Variants in KIF26B observed in about 807,000 individuals in gnomAD.
KIF26B encodes kinesin family member 26B, also known as kinesin-like protein KIF26B.
In KIF26B, 63 loss-of-function variants were observed where a neutral mutation model predicts 151.2. That is an observed-to-expected ratio of 0.42 (90% confidence interval 0.34 to 0.51). The LOEUF (loss-of-function observed/expected upper bound fraction) is 0.51, where lower values mean the gene tolerates loss of function less well. Among genes scored for constraint, KIF26B ranks in the 20% least tolerant of loss-of-function variants. The probability of loss-of-function intolerance (pLI) is 0.07; values close to 1 mark genes in which losing one functional copy is unlikely to be tolerated. For synonymous variants in KIF26B, 1,357 were observed against 1,262.1 expected (o/e 1.08, Z -1.59); for missense variants, 2,813 against 2,913.6 (o/e 0.97, Z 0.79).
chr1:245,588,757 C>A (rs766079173), intron 5 of KIF26B, among the ~76,000 whole-genome samples: 1 of 152,210 alleles, frequency 6.6e-6, no homozygotes, highest in South Asian at 2.1e-4. Context: ...CTGCCCCTCG[C>A]TGGCTCAGGG....
At chr1:245,460,372 G>A (rs1053153264) in intron 4 of KIF26B, among the ~76,000 whole-genome samples, 1 of 152,068 alleles carries the variant, frequency 6.6e-6, no homozygotes, top group African/African-American at 2.4e-5. Context: ...GCAAAATGTG[G>A]TCCAAGGGTC....
At chr1:245,232,672 T>C (rs1670022889) in intron 2 of KIF26B, among the ~76,000 whole-genome samples, 1 of 151,602 alleles carries the variant, frequency 6.6e-6, no homozygotes, top group African/African-American at 2.4e-5. Flanking sequence ...TGTCTTAGCC[T>C]CCCGAGTAGC....
In KIF26B at chr1:245,560,182, C is replaced by T. The variant is rs2042930636; in HGVS notation, c.1350+19232C>T. Among the ~76,000 whole-genome samples, 1 of 152,156 alleles carries T rather than the reference C, an allele frequency of 6.6e-6. No individual in the cohort carries two copies. On this transcript the variant is annotated intron_variant, in intron 5 of 14. Transcript: ENST00000407071. The surrounding 1 kb of genome is among the most constrained non-coding windows in gnomAD (Gnocchi z 4.3). ...GATGAAAGGGGCTGTATCTTACTTG[C>T]CCCTTTTTGCATTTATTCATGTGGA...
intron 2 of KIF26B, among the ~76,000 whole-genome samples, chr1:245,297,153 G>GC (rs897881820): frequency 1.4e-4 from 21 of 152,146 alleles, no homozygotes; most frequent in Admixed American, 6.5e-5. Flanking sequence ...GACCAGCCTG[G>GC]CCAACATGGT....
At chr1:245,184,769 C>T (rs1271813027) in intron 2 of KIF26B, among the ~76,000 whole-genome samples, 2 of 152,198 alleles carry the variant, frequency 1.3e-5, no homozygotes, top group African/African-American at 4.8e-5. Context: ...GCACCCAAAC[C>T]TTATATCTCT....
intron 2 of KIF26B, among the ~76,000 whole-genome samples, chr1:245,260,885 T>TAA (rs1340005234): frequency 1.2e-3 from 182 of 152,348 alleles, no homozygotes; most frequent in Admixed American, 4.4e-3. Flanking sequence ...TCTTGTCTTT[T>TAA]AGCCTAGGAC....
At chr1:245,398,038 G>A (rs1673893091) in intron 3 of KIF26B, among the ~76,000 whole-genome samples, 1 of 152,156 alleles carries the variant, frequency 6.6e-6, no homozygotes. Context: ...GAAGTAGGGA[G>A]CTTTCCATCT....
chr1:245,646,011 T>G (rs2043941706), intron 9 of KIF26B, 110 bp from the exon 10 acceptor site: 15 of 1,198,342 alleles, frequency 1.3e-5, no homozygotes, highest in Non-Finnish European at 1.6e-5. Context: ...ACGTCAACCT[T>G]TTACTTCCCC....
chr1:245,497,058 C>G (rs1572092204), intron 4 of KIF26B, among the ~76,000 whole-genome samples: 1 of 150,826 alleles, frequency 6.6e-6, no homozygotes, highest in East Asian at 2.0e-4. Flanking sequence ...GAGGTTGAGG[C>G]AGGAGAATTG....
intron 3 of KIF26B, among the ~76,000 whole-genome samples, chr1:245,397,104 C>T (rs1335795297): frequency 6.6e-6 from 1 of 152,084 alleles, no homozygotes; most frequent in African/African-American, 2.4e-5. Flanking sequence ...GGACTATAGG[C>T]ATGCGCCACC....
At chr1:245,643,378 T>G (rs1260197763) in intron 9 of KIF26B, among the ~76,000 whole-genome samples, 1 of 152,220 alleles carries the variant, frequency 6.6e-6, no homozygotes, top group South Asian at 2.1e-4. Flanking sequence ...TTACTTTTAT[T>G]GTTTAATTAT....
intron 4 of KIF26B, among the ~76,000 whole-genome samples, chr1:245,449,010 C>G (rs1248826798): frequency 1.3e-5 from 2 of 152,150 alleles, no homozygotes; most frequent in Non-Finnish European, 2.9e-5. Flanking sequence ...CCTCTAATGC[C>G]TGAAACAAGG....
intron 2 of KIF26B, among the ~76,000 whole-genome samples, chr1:245,326,951 T>G (rs1343535089): frequency 6.6e-6 from 1 of 152,214 alleles, no homozygotes; most frequent in African/African-American, 2.4e-5. Context: ...TCTCAGTCTT[T>G]GTTTCCTATC....
intron 5 of KIF26B, among the ~76,000 whole-genome samples, chr1:245,559,601 GC>G (rs2042917463): frequency 9.2e-6 from 1 of 108,560 alleles, no homozygotes; most frequent in African/African-American, 2.6e-5. Flanking sequence ...TTTATTAGAG[GC>G]AGGGTTTCAC....
intron 4 of KIF26B, among the ~76,000 whole-genome samples, chr1:245,539,756 G>T (rs992501865): frequency 6.6e-6 from 1 of 152,096 alleles, no homozygotes. Context: ...GGGTTCAAGC[G>T]ATCCTCCTGC....
At chr1:245,387,024 C>T (rs1299670099) in intron 3 of KIF26B, among the ~76,000 whole-genome samples, 1 of 152,118 alleles carries the variant, frequency 6.6e-6, no homozygotes, top group Non-Finnish European at 1.5e-5. Flanking sequence ...TTCCCCTGCG[C>T]ATCTGAAAGA....
chr1:245,545,251 G>A (rs113108676), intron 5 of KIF26B, among the ~76,000 whole-genome samples: 4,430 of 152,088 alleles, frequency 0.029, 238 homozygotes, highest in African/African-American at 0.1. Flanking sequence ...ACAGGCATGC[G>A]CCACCACACC....
At chr1:245,528,488 G>A (rs1024261955) in intron 4 of KIF26B, among the ~76,000 whole-genome samples, 3 of 152,174 alleles carry the variant, frequency 2.0e-5, no homozygotes, top group Non-Finnish European at 4.4e-5. Flanking sequence ...TTGTGACTGT[G>A]TACTGGCAGG....
At chr1:245,194,265 T>C (rs1168458966) in intron 2 of KIF26B, among the ~76,000 whole-genome samples, 1 of 152,158 alleles carries the variant, frequency 6.6e-6, no homozygotes, top group East Asian at 1.9e-4. Context: ...AGAGTTTCCG[T>C]TTACATAGAG....
Sources: allele counts gnomAD v4.1 joint callset (sites outside exome capture counted in the v4.1 genomes callset), GRCh38; gene constraint gnomAD v4.1.1; non-coding constraint Gnocchi (gnomAD v3.1); transcripts MANE v1.5; gene names NCBI Gene and HGNC (gene_info 2026-07-23, HGNC 2026-07-21).